The following ZMYM3 variants were observed in gnomAD, a reference collection of about 807,000 sequenced individuals.
The protein encoded by ZMYM3 is zinc finger MYM-type containing 3.
A neutral mutation model predicts 94.2 loss-of-function variants in ZMYM3; 6 were observed. That is an observed-to-expected ratio of 0.06 (90% confidence interval 0.03 to 0.13). The LOEUF is 0.13. ZMYM3 is among the 10% of genes least tolerant of loss of function. The pLI, the probability that ZMYM3 is intolerant of heterozygous loss-of-function variation, is 1.00. For missense variants in ZMYM3, 664 were observed against 1,132.6 expected (o/e 0.59, Z 5.94); for synonymous variants, 420 against 426.5 (o/e 0.98, Z 0.19).
chrX:71,246,445 G>A lies in ZMYM3; in HGVS notation c.2480C>T (p.Pro827Leu). Residue 827 changes from proline (P) to leucine (L), a missense_variant, in exon 15 of 25, where the codon CCC (proline) becomes CTC (leucine). Physicochemically the swap from Pro to Leu is moderately conservative, Grantham distance 98. This residue lies in a region of ZMYM3 where 57 missense variants were observed against 52.0 expected (regional missense o/e 1.10). Coordinates refer to ENST00000314425, the MANE Select transcript of ZMYM3 (RefSeq NM_201599.3). ...TPPPPPPPAT[P>L]RKNKAAMCKP... ...ACACATGGCAGCCTTGTTTTTGCGGGGTGTTGCTGGGGGTGGTGGGGGTGG... is the reference window on the plus strand; with the variant it reads ...ACACATGGCAGCCTTGTTTTTGCGGAGTGTTGCTGGGGGTGGTGGGGGTGG... 1 of 1,180,945 alleles carries A rather than the reference G, an allele frequency of 8.5e-7. No homozygotes were observed. The highest frequency in any genetic ancestry group is 1.1e-6 in the Non-Finnish European group (1 of 879,103).
chrX:71,249,159 C>T lies in ZMYM3; in HGVS notation c.1481G>A (p.Arg494His), dbSNP rs1569225619. 5 of 1,209,609 alleles carry T rather than the reference C, an allele frequency of 4.1e-6. No individual in the cohort carries two copies. Among genetic ancestry groups the T allele is most frequent in the Non-Finnish European group, 4.5e-6 (4 of 895,039 alleles). The change falls in exon 8 of 25, where the codon CGT becomes CAT. Residue 494 changes from arginine (R) to histidine (H), a missense_variant. Arg to His is a conservative substitution (Grantham distance 29). Transcript: ENST00000314425. Reference protein sequence around the residue: ...CLGAYKKKNTRVYPCVWCKTL... With the variant: ...CLGAYKKKNTHVYPCVWCKTL... Reference sequence around the variant, plus strand: ...CTTGCACCAGACACATGGGTACACACGTGTGTTTTTCTGTGAGGATGGGGA... The same window carrying T: ...CTTGCACCAGACACATGGGTACACATGTGTGTTTTTCTGTGAGGATGGGGA...
Position 71,245,659 on chromosome X carries a change from A to G in ZMYM3, c.2860+9T>C, listed in dbSNP as rs767568153. The G allele has an allele frequency of 2.5e-6, 3 of 1,209,395 alleles. No homozygotes were observed. The South Asian group carries it at 5.3e-5, about 21-fold the overall frequency. On this transcript the variant is annotated intron_variant, in intron 17 of 24. Coordinates refer to ENST00000314425, the MANE Select transcript of ZMYM3 (RefSeq NM_201599.3). ...CCTGTCTCCCTCGTCGCCACCATCT[A>G]TGGCATACCACAAAGGTCAGATGAG...
At chrX:71,250,277 G>A in intron 5 of ZMYM3, 74 bp from the exon 6 acceptor site, 1 of 1,101,856 alleles carries the variant, frequency 9.1e-7, no homozygotes, top group African/African-American at 1.8e-5. Context: ...CCCTCCTCCA[G>A]GATCAATGAC....
Position 71,250,627 on chromosome X carries a change from C to T in ZMYM3, c.878G>A (p.Arg293His). ...RPRRSPRMSL[R>H]SSVSQRAGRS... Reference sequence around the variant, plus strand: ...CCCGGCCCTTTGTGACACACTTGAGCGTAGGGACATGCGAGGAGAGCGCCG... The same window carrying T: ...CCCGGCCCTTTGTGACACACTTGAGTGTAGGGACATGCGAGGAGAGCGCCG... The change falls in exon 5 of 25, where the codon CGC (arginine) becomes CAC (histidine). Residue 293 changes from arginine (R) to histidine (H), a missense_variant. Coordinates refer to ENST00000314425, the MANE Select transcript of ZMYM3 (RefSeq NM_201599.3). 2 of 1,211,219 alleles carry T rather than the reference C, an allele frequency of 1.7e-6. No individual in the cohort carries two copies. The highest frequency in any genetic ancestry group is 2.2e-6 in the Non-Finnish European group (2 of 895,172).
Position 71,250,028 on chromosome X carries a change from C to A in ZMYM3, c.1249G>T (p.Glu417Ter). ...TRCSICQKTGEVLHEVSNGSV... is the reference protein window; with the variant it reads ...TRCSICQKTG ...CAGCCCCCACTGAGTGTCCTCACCT[C>A]TCCAGTCTTCTGGCATATGCTGCAG... The change falls in exon 6 of 25, where the codon GAG (glutamate) becomes TAG (stop). Residue 417 changes from glutamate to a stop codon, truncating the protein, a stop_gained and splice_region_variant. Coordinates refer to ENST00000314425, the MANE Select transcript of ZMYM3 (RefSeq NM_201599.3). LOFTEE classifies it high-confidence loss of function. 8.5e-7 allele frequency: 1 copy of A among 1,174,352 alleles called. No individual in the cohort carries two copies. Among genetic ancestry groups the A allele is most frequent in the Non-Finnish European group, 1.1e-6 (1 of 878,061 alleles).
In ZMYM3 at chrX:71,239,717, G is replaced by T. The variant is rs1046791545; in HGVS notation, c.*1199C>A. On this transcript the variant is annotated 3_prime_UTR_variant, in exon 25 of 25. Transcript: ENST00000314425. Reference sequence around the variant, plus strand: ...TCACTACAACACAAGGGTGGGCATGGCTCACTGAAGGGACAGGCCAGGCGC... The same window carrying T: ...TCACTACAACACAAGGGTGGGCATGTCTCACTGAAGGGACAGGCCAGGCGC... 1 of 112,900 alleles carries T rather than the reference G, an allele frequency of 8.9e-6. No homozygotes were observed. Among genetic ancestry groups the T allele is most frequent in the Non-Finnish European group, 1.9e-5 (1 of 53,360 alleles). 9.3% of individuals were successfully genotyped at this position (112,900 alleles called of 1,213,427 possible).
intron 2 of ZMYM3, chrX:71,251,909 A>G: frequency 2.7e-6 from 2 of 739,299 alleles, no homozygotes; most frequent in Non-Finnish European, 3.2e-6. Flanking sequence ...TATTTTACCA[A>G]TGAAAAACAC....
Position 71,244,893 on chromosome X carries a change from T to C in ZMYM3, c.3008A>G (p.Asn1003Ser). ...TACACTGGGATTAATGTCCAGAGGA[T>C]CTAATGAAAAGGAAAGAAAGAAGAA... ...GQDLEADFPKNPLDINPSVDF... is the reference protein window; with the variant it reads ...GQDLEADFPKSPLDINPSVDF... The change falls in exon 19 of 25, where the codon AAT (asparagine) becomes AGT (serine). Residue 1003 changes from asparagine (N) to serine (S), a missense_variant and splice_region_variant. Transcript: ENST00000314425. The C allele has an allele frequency of 8.4e-7, 1 of 1,191,385 alleles. No homozygotes were observed. The highest frequency in any genetic ancestry group is 1.1e-6 in the Non-Finnish European group (1 of 879,620).
At position 71,250,559 on chromosome X, in the gene ZMYM3, T is replaced by C. The variant is rs1310707673; in HGVS notation, c.946A>G (p.Thr316Ala). 3.3e-6 allele frequency: 4 copies of C among 1,209,997 alleles called. No homozygotes were observed. In the East Asian group the frequency reaches 1.2e-4, roughly 36 times the overall value. The change falls in exon 5 of 25, where the codon ACA (threonine) becomes GCA (alanine). Residue 316 changes from threonine (T) to alanine (A), a missense_variant. Physicochemically the swap from Thr to Ala is moderately conservative, Grantham distance 58. This residue lies in a region of ZMYM3 where 45 missense variants were observed against 92.9 expected (regional missense o/e 0.48). Transcript: ENST00000314425. ...GTKMTCAHCR[T>A]PLQKGQTAYQ... The stretch of plus-strand genomic sequence containing the variant: ...GCAGTCTGCCCCTTCTGCAGTGGTG[T>C]CCGGCAATGTGCACAAGTCATCTTG...
chrX:71,253,369 G>T, intron 1 of ZMYM3, 95 bp from the exon 2 acceptor site: 1 of 713,028 alleles, frequency 1.4e-6, no homozygotes, highest in Non-Finnish European at 1.9e-6. Context: ...CATCCACTTG[G>T]ATTTCTCATG....
intron 5 of ZMYM3, 67 bp from the exon 6 acceptor site, chrX:71,250,270 T>A: frequency 9.1e-7 from 1 of 1,104,029 alleles, no homozygotes; most frequent in Non-Finnish European, 1.2e-6. Context: ...CTTCCGCCCC[T>A]CCTCCAGGAT....
Position 71,250,720 on chromosome X carries a change from A to T in ZMYM3, c.785T>A (p.Val262Glu). ...EVVDSTESIP[V>E]SDEDSDAMVD... is the part of the protein sequence containing the mutation. Reference sequence around the variant, plus strand: ...CATGGCATCAGAATCCTCATCTGACACTGGAACTGAGAAAGTGGGGGGATG... The same window carrying T: ...CATGGCATCAGAATCCTCATCTGACTCTGGAACTGAGAAAGTGGGGGGATG... The change falls in exon 5 of 25, where the codon GTG (valine) becomes GAG (glutamate). Residue 262 changes from valine (V) to glutamate (E), a missense_variant. Physicochemically the swap from Val to Glu is moderately radical, Grantham distance 121. Coordinates refer to ENST00000314425, the MANE Select transcript of ZMYM3 (RefSeq NM_201599.3). 1 of 1,189,555 alleles carries T rather than the reference A, an allele frequency of 8.4e-7. No homozygotes were observed. Among genetic ancestry groups the T allele is most frequent in the Non-Finnish European group, 1.1e-6 (1 of 881,844 alleles).
chrX:71,251,946 G>A, intron 2 of ZMYM3: 2 of 673,670 alleles, frequency 3.0e-6, no homozygotes, highest in Non-Finnish European at 3.5e-6. Flanking sequence ...GTAGCAAAAG[G>A]AAAAGGAAGC....
At position 71,250,656 on chromosome X, in the gene ZMYM3, C is replaced by A. The variant is rs1179816224; in HGVS notation, c.849G>T (p.Arg283=). Residue 283 remains arginine (R), a synonymous_variant, in exon 5 of 25, where the codon CGG becomes CGT. Transcript: ENST00000314425. ...GGGACATGCGAGGAGAGCGCCGGGGCCGGAATGGCACAAAGTCCTCATCAT... is the reference window on the plus strand; with the variant it reads ...GGGACATGCGAGGAGAGCGCCGGGGACGGAATGGCACAAAGTCCTCATCAT... The part of the protein sequence containing the change: ...DPNDEDFVPF[R]PRRSPRMSLR... The A allele has an allele frequency of 2.5e-6, 3 of 1,208,844 alleles. No homozygotes were observed. The highest frequency in any genetic ancestry group is 3.5e-5 in the South Asian group (2 of 56,339).
At chrX:71,242,844 C>A in intron 22 of ZMYM3, 126 bp downstream of exon 22, 1 of 602,976 alleles carries the variant, frequency 1.7e-6, no homozygotes, top group East Asian at 3.5e-5. Flanking sequence ...CTGAGGCATC[C>A]AGCTACACGC....
intron 6 of ZMYM3, 69 bp from the exon 7 acceptor site, chrX:71,249,748 C>T (rs2030362041): frequency 3.5e-6 from 4 of 1,155,375 alleles, no homozygotes; most frequent in Non-Finnish European, 1.2e-6. Flanking sequence ...GCAAGGTCAG[C>T]CCCCCACCTC....
At chrX:71,254,303 A>G (rs1271343218), upstream of ZMYM3, among the ~76,000 whole-genome samples, 1 of 112,620 alleles carries the variant, frequency 8.9e-6, no homozygotes, top group Non-Finnish European at 1.9e-5. Context: ...GCGGAGTGGA[A>G]TGCAGCCACT....
At position 71,247,913 on chromosome X, in the gene ZMYM3, AGAG is replaced by A. The variant is rs766432543; in HGVS notation, c.1976-10_1976-8del. On this transcript the variant is annotated splice_region_variant and splice_polypyrimidine_tract_variant and intron_variant, in intron 11 of 24. Coordinates refer to ENST00000314425, the MANE Select transcript of ZMYM3 (RefSeq NM_201599.3). ...TTGTACAGCAGCACACAGCCTGGAA[AGAG>A]GAGAAGAGGAAAGAGAGTCCAGAGA... is the stretch of plus-strand genomic sequence containing the variant. 17 of 1,178,372 alleles carry A rather than the reference AGAG, an allele frequency of 1.4e-5. No homozygotes were observed. The highest frequency in any genetic ancestry group is 3.8e-5 in the South Asian group (2 of 52,292).
intron 5 of ZMYM3, 101 bp from the exon 6 acceptor site, chrX:71,250,304 C>A: frequency 9.2e-7 from 1 of 1,085,038 alleles, no homozygotes; most frequent in East Asian, 3.3e-5. Flanking sequence ...GCCAAATACT[C>A]TGACTCTCTC....
Sources: allele counts gnomAD v4.1 joint callset (sites outside exome capture counted in the v4.1 genomes callset), GRCh38; gene constraint gnomAD v4.1.1; regional missense constraint gnomAD v4.1.1; transcripts MANE v1.5; gene names NCBI Gene and HGNC (gene_info 2026-07-23, HGNC 2026-07-21).